CRTAC1: variants seen among roughly 807,000 people sequenced by gnomAD.
CRTAC1 encodes the protein acidic secreted protein in cartilage.
A neutral mutation model predicts 67.8 loss-of-function variants in CRTAC1; 37 were observed. The ratio of observed to expected loss-of-function variants is 0.55; its 90% CI spans 0.42 to 0.72. The LOEUF is 0.72. CRTAC1 is among the 30% of genes least tolerant of loss of function. CRTAC1 has a pLI of 0.00. For missense variants in CRTAC1, 780 were observed against 931.6 expected, an observed-to-expected ratio of 0.84 and a Z score of 2.12; for synonymous variants, 348 against 371.0, an observed-to-expected ratio of 0.94 and a Z score of 0.71.
intron 2 of CRTAC1, among the ~76,000 whole-genome samples, chr10:97,988,172 G>C (rs1385541826): frequency 6.6e-6 from 1 of 151,676 alleles, no homozygotes; most frequent in African/African-American, 2.4e-5. Context: ...CTGTCCCTTT[G>C]CTGCTTTCTC....
intron 2 of CRTAC1, among the ~76,000 whole-genome samples, chr10:97,961,211 C>T (rs919132734): frequency 1.3e-5 from 2 of 152,058 alleles, no homozygotes; most frequent in African/African-American, 4.8e-5. Context: ...CCACCCCCAA[C>T]CCTATGGAGA....
intron 14 of CRTAC1, chr10:97,867,344 G>T (rs2050039783): frequency 6.6e-6 from 1 of 152,234 alleles, no homozygotes. Context: ...TGAAATGAAG[G>T]GGGCTGCCTA....
intron 6 of CRTAC1, among the ~76,000 whole-genome samples, chr10:97,906,711 C>A (rs930770336): frequency 6.6e-6 from 1 of 152,144 alleles, no homozygotes; most frequent in Non-Finnish European, 1.5e-5. Context: ...TTCTGCCTTG[C>A]CAGAGAAGGA....
At chr10:97,926,575 C>A (rs1419628245) in intron 3 of CRTAC1, among the ~76,000 whole-genome samples, 1 of 152,118 alleles carries the variant, frequency 6.6e-6, no homozygotes. Flanking sequence ...TTACATAACA[C>A]CCCCAGCAGG....
intron 2 of CRTAC1, among the ~76,000 whole-genome samples, chr10:97,948,729 T>C (rs1359882646): frequency 6.6e-6 from 1 of 152,186 alleles, no homozygotes; most frequent in Non-Finnish European, 1.5e-5. Context: ...TTCATTCTCA[T>C]GCTGCTATAA....
chr10:97,902,448 G>C lies in CRTAC1; in HGVS notation c.997-809C>G, dbSNP rs573220569. 3.3e-5 allele frequency among the ~76,000 whole-genome samples: 5 copies of C among 152,276 alleles called. No homozygotes were observed. The South Asian group carries it at 8.3e-4, about 25-fold the overall frequency. The stretch of plus-strand genomic sequence containing the variant: ...TTGCTTTGAGGGGGTTGCGGTATCA[G>C]CTACACCTGTCCAGGACTAATGGGG... On this transcript the variant is annotated intron_variant, in intron 7 of 14. Transcript: ENST00000370597.
intron 2 of CRTAC1, among the ~76,000 whole-genome samples, chr10:97,996,034 A>G (rs1842559387): frequency 6.6e-6 from 1 of 152,146 alleles, no homozygotes; most frequent in South Asian, 2.1e-4. Context: ...AGCCATATGT[A>G]GAAAGCTGAA....
At chr10:97,957,122 T>C (rs2051453292) in intron 2 of CRTAC1, among the ~76,000 whole-genome samples, 1 of 152,046 alleles carries the variant, frequency 6.6e-6, no homozygotes, top group African/African-American at 2.4e-5. Flanking sequence ...GCCAGGGCAC[T>C]TATGTTAAGA....
At chr10:97,993,930 C>T (rs1360470164) in intron 2 of CRTAC1, among the ~76,000 whole-genome samples, 1 of 152,188 alleles carries the variant, frequency 6.6e-6, no homozygotes, top group Non-Finnish European at 1.5e-5. Context: ...CATCTTGGCT[C>T]ACTGCAACCT....
intron 1 of CRTAC1, among the ~76,000 whole-genome samples, chr10:98,014,173 T>C (rs776049278): frequency 6.6e-6 from 1 of 152,214 alleles, no homozygotes; most frequent in Non-Finnish European, 1.5e-5. Context: ...TTAAATGCTC[T>C]TCTCCACCCT....
At chr10:97,940,682 ACCT>A (rs1229494176) in intron 2 of CRTAC1, among the ~76,000 whole-genome samples, 1 of 152,048 alleles carries the variant, frequency 6.6e-6, no homozygotes, top group East Asian at 1.9e-4. Context: ...TGGCCCTGCC[ACCT>A]CCTGGTCTGA....
At chr10:98,012,170 A>C (rs1273484230) in intron 1 of CRTAC1, among the ~76,000 whole-genome samples, 1 of 152,206 alleles carries the variant, frequency 6.6e-6, no homozygotes, top group Non-Finnish European at 1.5e-5. Context: ...ATTATAAATT[A>C]ATTATGTATA....
In CRTAC1 at chr10:97,896,052, A is replaced by C; in HGVS notation, c.1217-67T>G. ...GACCCACAAAGGAGACACGCTCCCA[A>C]CCAAGTGCAGTATCCACAGCCCTGG... On this transcript the variant is annotated intron_variant, in intron 9 of 14. Coordinates refer to ENST00000370597, the MANE Select transcript of CRTAC1 (RefSeq NM_018058.7). 5.7e-6 allele frequency: 8 copies of C among 1,406,588 alleles called. No individual in the cohort carries two copies. In the South Asian group the frequency reaches 9.3e-5, roughly 16 times the overall value. 87.1% of individuals were successfully genotyped at this position (1,406,588 alleles called of 1,614,324 possible). A position where few individuals can be genotyped will look rare whatever the true frequency, so the allele number is the denominator to read the frequency against.
chr10:97,983,014 T>C (rs996879071), intron 2 of CRTAC1, among the ~76,000 whole-genome samples: 2 of 152,258 alleles, frequency 1.3e-5, no homozygotes, highest in East Asian at 3.8e-4. Context: ...CCTTCAATTC[T>C]AGACTCTCAA....
intron 1 of CRTAC1, among the ~76,000 whole-genome samples, chr10:98,012,514 T>C (rs1033378377): frequency 1.3e-5 from 2 of 151,774 alleles, no homozygotes; most frequent in Non-Finnish European, 2.9e-5. Flanking sequence ...CTCTTCTAGA[T>C]GGAACTTTTC....
chr10:97,972,362 C>T lies in CRTAC1; in HGVS notation c.225-35996G>A, dbSNP rs559689565. ...AACAGGGTGTGGGTCACTTCAAGTT[C>T]ACAGGCAAATGCCTGAATGGTCCAT... On this transcript the variant is annotated intron_variant, in intron 2 of 14. Coordinates refer to ENST00000370597, the MANE Select transcript of CRTAC1 (RefSeq NM_018058.7). Among the ~76,000 whole-genome samples, 6 of 152,302 alleles carry T rather than the reference C, an allele frequency of 3.9e-5. No homozygotes were observed. The East Asian group carries it at 9.6e-4, about 24-fold the overall frequency.
chr10:97,914,161 G>A (rs1009379365), intron 5 of CRTAC1, among the ~76,000 whole-genome samples: 1 of 152,222 alleles, frequency 6.6e-6, no homozygotes, highest in Non-Finnish European at 1.5e-5. Context: ...AGAGCAGAGA[G>A]ATGGACCCCA....
At chr10:97,880,509 G>A (rs896853101) in intron 13 of CRTAC1, 117 bp from the exon 14 acceptor site, 48 of 1,300,144 alleles carry the variant, frequency 3.7e-5, no homozygotes, top group Non-Finnish European at 4.9e-5. Flanking sequence ...CAGAGCCTCA[G>A]TTTCCCTGCT....
At chr10:97,875,258 T>C (rs1233776175) in intron 14 of CRTAC1, among the ~76,000 whole-genome samples, 3 of 152,262 alleles carry the variant, frequency 2.0e-5, no homozygotes, top group African/African-American at 7.2e-5. Context: ...AATAGACTCA[T>C]AACATTTATA....
Sources: allele counts gnomAD v4.1 joint callset (sites outside exome capture counted in the v4.1 genomes callset), GRCh38; gene constraint gnomAD v4.1.1; transcripts MANE v1.5; gene names NCBI Gene and HGNC (gene_info 2026-07-23, HGNC 2026-07-21).